Variants in PJA2 observed in about 807,000 individuals in gnomAD.
PJA2 encodes the protein praja ring finger ubiquitin ligase 2, also known as E3 ubiquitin-protein ligase Praja-2.
PJA2 carries 25 observed loss-of-function variants against 69.3 expected under a neutral mutation model. That is an observed-to-expected ratio of 0.36 (90% CI 0.26 to 0.50). The LOEUF is 0.50. Ranked by LOEUF, PJA2 falls within the 20% of genes least tolerant of loss-of-function variation. The probability of loss-of-function intolerance (pLI) is 0.96; values close to 1 mark genes in which losing one functional copy is unlikely to be tolerated. For synonymous variants in PJA2, 308 were observed against 277.8 expected, an observed-to-expected ratio of 1.11 and a Z score of -1.08; for missense variants, 809 against 830.2, an observed-to-expected ratio of 0.97 and a Z score of 0.31.
At chr5:109,347,834 C>T (rs540054486) in intron 7 of PJA2, among the ~76,000 whole-genome samples, 1 of 152,310 alleles carries the variant, frequency 6.6e-6, no homozygotes, top group South Asian at 2.1e-4. Context: ...TAGCCAATCC[C>T]TTGGTATTCT....
chr5:109,361,319 T>C (rs1762500656), intron 6 of PJA2, among the ~76,000 whole-genome samples: 2 of 152,154 alleles, frequency 1.3e-5, no homozygotes, highest in African/African-American at 4.8e-5. Context: ...TTATGGAGGA[T>C]GGGGAAGAAA....
chr5:109,380,163 G>A (rs573810455), intron 3 of PJA2, among the ~76,000 whole-genome samples: 358 of 142,586 alleles, frequency 2.5e-3, no homozygotes, highest in Non-Finnish European at 3.7e-3. Context: ...GCATGATCTC[G>A]GCTCACTGCA....
intron 1 of PJA2, among the ~76,000 whole-genome samples, chr5:109,390,085 T>C (rs552429787): frequency 3.9e-5 from 6 of 152,178 alleles, no homozygotes; most frequent in Admixed American, 1.3e-4. Context: ...TAATGTTCTA[T>C]AAATGTCAAT....
chr5:109,349,277 G>A (rs561452777), intron 7 of PJA2, among the ~76,000 whole-genome samples: 53 of 152,238 alleles, frequency 3.5e-4, no homozygotes, highest in African/African-American at 1.2e-3. Flanking sequence ...TGAAAATCTG[G>A]GCTGTTTAAA....
At chr5:109,398,211 A>C (rs1001180856) in intron 1 of PJA2, among the ~76,000 whole-genome samples, 1 of 152,190 alleles carries the variant, frequency 6.6e-6, no homozygotes, top group Non-Finnish European at 1.5e-5. Flanking sequence ...TGTGGAAGAC[A>C]GTGTGGTGAT....
At chr5:109,404,979 T>A (rs79820328) in intron 1 of PJA2, among the ~76,000 whole-genome samples, 1 of 152,174 alleles carries the variant, frequency 6.6e-6, no homozygotes, top group Admixed American at 6.5e-5. Flanking sequence ...AGGAGTTACA[T>A]ATAAATTCAA....
intron 1 of PJA2, among the ~76,000 whole-genome samples, chr5:109,398,211 A>G (rs1001180856): frequency 7.2e-5 from 11 of 152,190 alleles, no homozygotes; most frequent in South Asian, 2.1e-4. Context: ...TGTGGAAGAC[A>G]GTGTGGTGAT....
chr5:109,351,252 C>A (rs1293540864), intron 7 of PJA2, among the ~76,000 whole-genome samples: 2 of 151,906 alleles, frequency 1.3e-5, no homozygotes, highest in Non-Finnish European at 2.9e-5. Flanking sequence ...TTTAGGTGAA[C>A]AACGTTTTTC....
chr5:109,367,201 A>G (rs1382128562), intron 5 of PJA2, among the ~76,000 whole-genome samples: 1 of 148,586 alleles, frequency 6.7e-6, no homozygotes, highest in Admixed American at 6.7e-5. Context: ...TATCTCTCTC[A>G]TGAAGAGGAA....
In PJA2 at chr5:109,378,411, T is replaced by C. The variant is rs1377018045; in HGVS notation, c.1076A>G (p.Asp359Gly). The C allele has an allele frequency of 6.2e-7, 1 of 1,614,074 alleles. No individual in the cohort carries two copies. The highest frequency in any genetic ancestry group is 1.7e-5 in the Admixed American group (1 of 60,014). The change falls in exon 4 of 10, where the codon GAC becomes GGC. Residue 359 changes from aspartate (D) to glycine (G), a missense_variant. Transcript: ENST00000361189. ...ATATTCTTCACATTTTATTAAGAGG[T>C]CATCTGAGCCACTTTCCTCAACTTC... ...ALEVEESGSDDLLIKCEEYDG... is the reference protein window; with the variant it reads ...ALEVEESGSDGLLIKCEEYDG...
Position 109,356,029 on chromosome 5 carries a change from GAA to G in PJA2, c.1653-5_1653-4del, listed in dbSNP as rs199524515. The stretch of plus-strand genomic sequence containing the variant: ...CATCTGCAAAGCCATCAAATAGGCT[GAA>G]AAAAAAAAAAAATAACAGAAAAAAC... On this transcript the variant is annotated splice_region_variant and splice_polypyrimidine_tract_variant and intron_variant, in intron 6 of 9. Transcript: ENST00000361189. The G allele has an allele frequency of 1.3e-3, 1,760 of 1,381,196 alleles. No homozygotes were observed. The highest frequency in any genetic ancestry group is 7.1e-3 in the East Asian group (280 of 39,274). The allele number at this position is 1,381,196 out of a possible 1,614,324, so 85.6% of individuals were successfully genotyped here. A position where few individuals can be genotyped will look rare whatever the true frequency, so the allele number is the denominator to read the frequency against.
chr5:109,347,991 G>T (rs1762195907), intron 7 of PJA2, among the ~76,000 whole-genome samples: 1 of 152,182 alleles, frequency 6.6e-6, no homozygotes, highest in East Asian at 1.9e-4. Context: ...GGATTTGGGG[G>T]TTGGTTTGGT....
rs1379112250 is a variant in PJA2, at chr5:109,337,420, T to C, written c.2002-64A>G. ...CTTAACTGCCACACAAGTAACTTAATAAAGAAAAAACAGTGTCATTATCCT... is the reference window on the plus strand; with the variant it reads ...CTTAACTGCCACACAAGTAACTTAACAAAGAAAAAACAGTGTCATTATCCT... On this transcript the variant is annotated intron_variant, in intron 9 of 9. Coordinates refer to ENST00000361189, the MANE Select transcript of PJA2 (RefSeq NM_014819.5). 4.8e-6 allele frequency: 7 copies of C among 1,469,866 alleles called. No homozygotes were observed. In the African/African-American group the frequency reaches 1.0e-4, roughly 22 times the overall value. The allele number at this position is 1,469,866 out of a possible 1,614,324, so 91.1% of individuals were successfully genotyped here.
chr5:109,409,578 G>A (rs930836764), intron 1 of PJA2, among the ~76,000 whole-genome samples: 6 of 152,114 alleles, frequency 3.9e-5, no homozygotes, highest in African/African-American at 1.4e-4. Flanking sequence ...AATGTCATCT[G>A]TCGGGGGGCG....
chr5:109,404,468 A>G (rs13187363), intron 1 of PJA2, among the ~76,000 whole-genome samples: 65,896 of 151,940 alleles, frequency 0.43, 17,558 homozygotes, highest in Middle Eastern at 0.59. Flanking sequence ...CAGCGAGCTG[A>G]GACTGCCACT....
chr5:109,375,708 A>C (rs1388695815), intron 4 of PJA2, among the ~76,000 whole-genome samples: 1 of 152,174 alleles, frequency 6.6e-6, no homozygotes, highest in Non-Finnish European at 1.5e-5. Context: ...CCAAAACCTG[A>C]GAAGACTAGC....
At chr5:109,340,280 A>G (rs982312999) in intron 9 of PJA2, among the ~76,000 whole-genome samples, 5 of 152,218 alleles carry the variant, frequency 3.3e-5, no homozygotes, top group African/African-American at 9.6e-5. Context: ...GATATTTTAT[A>G]AAAGAACAGT....
intron 9 of PJA2, among the ~76,000 whole-genome samples, chr5:109,340,616 GTCCC>G (rs1222386093): frequency 0.012 from 122 of 10,410 alleles, 3 homozygotes; most frequent in African/African-American, 0.067. Flanking sequence ...GATTTATTGG[GTCCC>G]TCCCCCTCCC....
rs570113913 is a variant in PJA2 at position 109,359,031 on chromosome 5, TCCACCTCTG to T, written c.1653-3014_1653-3006del. Among the ~76,000 whole-genome samples, 409 of 152,244 alleles carry T rather than the reference TCCACCTCTG, an allele frequency of 2.7e-3. 4 individuals are homozygous for T. The highest frequency in any genetic ancestry group is 9.4e-3 in the African/African-American group (391 of 41,542). ...GGGTACCCTTAAACTCAGTTTTTTT[TCCACCTCTG>T]CCACCTCTGAGATAGCAAGACCAAT... On this transcript the variant is annotated intron_variant, in intron 6 of 9. Transcript: ENST00000361189.
Sources: allele counts gnomAD v4.1 joint callset (sites outside exome capture counted in the v4.1 genomes callset), GRCh38; gene constraint gnomAD v4.1.1; transcripts MANE v1.5; gene names NCBI Gene and HGNC (gene_info 2026-07-23, HGNC 2026-07-21).